Variants in CCSER1 observed in about 807,000 individuals in gnomAD.
CCSER1 encodes the protein serine-rich coiled-coil domain-containing protein 1.
In CCSER1, 41 loss-of-function variants were observed where a neutral mutation model predicts 82.0. The observed-to-expected ratio is 0.50, with a 90% CI of 0.39 to 0.65. The LOEUF (loss-of-function observed/expected upper bound fraction) is 0.65. Ranked by LOEUF, CCSER1 falls within the 30% of genes least tolerant of loss-of-function variation. CCSER1 has a pLI of 0.00. For synonymous variants in CCSER1, 414 were observed against 383.9 expected, an observed-to-expected ratio of 1.08 and a Z score of -0.92; for missense variants, 1,119 against 1,064.2, an observed-to-expected ratio of 1.05 and a Z score of -0.72.
chr4:91,545,707 C>T (rs1332720605), intron 10 of CCSER1, among the ~76,000 whole-genome samples: 1 of 151,954 alleles, frequency 6.6e-6, no homozygotes, highest in African/African-American at 2.4e-5. Context: ...TAGATTTACT[C>T]CGTAGATAAT....
rs564538617 is a variant in CCSER1 at position 90,256,214 on chromosome 4, C to G, written c.-41-52030C>G. Among the ~76,000 whole-genome samples the G allele has an allele frequency of 1.6e-3, 236 of 152,250 alleles. 1 individual carries two copies. Among genetic ancestry groups the G allele is most frequent in the Non-Finnish European group, 3.0e-3 (206 of 68,002 alleles). ...CCAATTCCTATAGTCTCCATTCATG[C>G]TCAAAATCTTCCTGCAGTCTTTGTG... On this transcript the variant is annotated intron_variant, in intron 1 of 10. Coordinates refer to ENST00000509176, the MANE Select transcript of CCSER1 (RefSeq NM_001145065.2).
chr4:90,954,163 T>A (rs1331149701), intron 9 of CCSER1, among the ~76,000 whole-genome samples: 1 of 152,044 alleles, frequency 6.6e-6, no homozygotes, highest in African/African-American at 2.4e-5. Context: ...TCTACAGTAT[T>A]TTATTTGTTA....
At chr4:90,339,046 A>C (rs1740906756) in intron 3 of CCSER1, among the ~76,000 whole-genome samples, 1 of 152,238 alleles carries the variant, frequency 6.6e-6, no homozygotes, top group Non-Finnish European at 1.5e-5. Flanking sequence ...TGTAGTTTTC[A>C]TAAATTGTTT....
intron 9 of CCSER1, among the ~76,000 whole-genome samples, chr4:90,933,315 G>A (rs1327548251): frequency 6.6e-6 from 1 of 151,506 alleles, no homozygotes; most frequent in East Asian, 2.0e-4. Context: ...AGCCTCCTGA[G>A]TAGCTGGGAC....
intron 10 of CCSER1, among the ~76,000 whole-genome samples, chr4:91,425,338 C>T (rs1465966525): frequency 1.3e-5 from 2 of 152,022 alleles, no homozygotes; most frequent in Non-Finnish European, 2.9e-5. Flanking sequence ...TGATTTCATT[C>T]CCATCAGAAT....
rs1187155963 is a variant in CCSER1 at position 91,604,995 on chromosome 4, A to G, written c.*5938A>G. ...CACCCTGTATGATACATTCTTAGAT[A>G]TATGGGTTTGAGATTATTAACATTG... On this transcript the variant is annotated 3_prime_UTR_variant, in exon 11 of 11. Coordinates refer to ENST00000509176, the MANE Select transcript of CCSER1 (RefSeq NM_001145065.2). 2.0e-5 allele frequency: 3 copies of G among 151,948 alleles called. No homozygotes were observed. The highest frequency in any genetic ancestry group is 4.4e-5 in the Non-Finnish European group (3 of 67,928). 9.4% of individuals were successfully genotyped at this position (151,948 alleles called of 1,614,324 possible). A position where few individuals can be genotyped will look rare whatever the true frequency, so the allele number is the denominator to read the frequency against.
chr4:90,191,391 T>G (rs532029486), intron 1 of CCSER1, among the ~76,000 whole-genome samples: 3 of 152,112 alleles, frequency 2.0e-5, no homozygotes, highest in South Asian at 2.1e-4. Flanking sequence ...GCCCCCCAGT[T>G]CCTAGTGCCA....
At chr4:90,753,491 TC>T (rs938656970) in intron 7 of CCSER1, among the ~76,000 whole-genome samples, 2 of 152,112 alleles carry the variant, frequency 1.3e-5, no homozygotes, top group African/African-American at 4.8e-5. Flanking sequence ...TTTTTCATAC[TC>T]TTTCTCACAC....
chr4:91,026,270 C>T (rs1416837379), intron 9 of CCSER1, among the ~76,000 whole-genome samples: 1 of 152,068 alleles, frequency 6.6e-6, no homozygotes, highest in Non-Finnish European at 1.5e-5. Flanking sequence ...TCCTGTTTCT[C>T]TGTAGTTGTC....
intron 4 of CCSER1, among the ~76,000 whole-genome samples, chr4:90,408,692 A>G (rs1457760977): frequency 6.6e-6 from 1 of 152,202 alleles, no homozygotes; most frequent in African/African-American, 2.4e-5. Flanking sequence ...GAAAAATAGA[A>G]CAGAAAAACC....
At chr4:90,220,281 A>T (rs1741882783) in intron 1 of CCSER1, among the ~76,000 whole-genome samples, 1 of 152,102 alleles carries the variant, frequency 6.6e-6, no homozygotes, top group Admixed American at 6.5e-5. Flanking sequence ...CTTGGAAGGT[A>T]TCCTCTGTAG....
intron 10 of CCSER1, among the ~76,000 whole-genome samples, chr4:91,142,203 A>G (rs6856335): frequency 0.72 from 109,570 of 151,914 alleles, 39,848 homozygotes; most frequent in Non-Finnish European, 0.78. Flanking sequence ...GTGGTAGTGA[A>G]TAAGTGTCAC....
chr4:90,434,419 C>G (rs1758734609), intron 4 of CCSER1, among the ~76,000 whole-genome samples: 1 of 152,068 alleles, frequency 6.6e-6, no homozygotes, highest in Admixed American at 6.6e-5. Flanking sequence ...GAAATGTGGC[C>G]ATCATTTTTT....
At chr4:91,231,031 G>A (rs924343578) in intron 10 of CCSER1, among the ~76,000 whole-genome samples, 1 of 151,774 alleles carries the variant, frequency 6.6e-6, no homozygotes, top group Admixed American at 6.6e-5. Context: ...AGGTGTTTTA[G>A]CCTTTTTGGA....
intron 9 of CCSER1, among the ~76,000 whole-genome samples, chr4:91,022,187 T>G (rs1444675268): frequency 7.4e-6 from 1 of 134,726 alleles, no homozygotes; most frequent in Non-Finnish European, 1.6e-5. Context: ...GTGTGTGATG[T>G]TCCCCTTCCT....
intron 9 of CCSER1, among the ~76,000 whole-genome samples, chr4:91,031,251 G>A (rs1740956652): frequency 6.6e-6 from 1 of 152,052 alleles, no homozygotes; most frequent in Admixed American, 6.6e-5. Context: ...ATAGCCTTAA[G>A]CTTACAAATT....
intron 6 of CCSER1, among the ~76,000 whole-genome samples, chr4:90,723,693 C>A (rs937993512): frequency 5.9e-5 from 9 of 151,804 alleles, no homozygotes; most frequent in African/African-American, 2.2e-4. Flanking sequence ...TTAAAATATA[C>A]ATGGAGAGTG....
intron 1 of CCSER1, among the ~76,000 whole-genome samples, chr4:90,143,502 A>ACACACACG (rs1320551741): frequency 6.6e-6 from 1 of 151,074 alleles, no homozygotes; most frequent in Non-Finnish European, 1.5e-5. Flanking sequence ...ACACACACAC[A>ACACACACG]CACACACACA....
chr4:90,754,734 AG>A (rs1217363811), intron 7 of CCSER1, among the ~76,000 whole-genome samples: 1 of 152,222 alleles, frequency 6.6e-6, no homozygotes, highest in Non-Finnish European at 1.5e-5. Context: ...TAGCATTTTT[AG>A]TACTTTGTTT....
Sources: allele counts gnomAD v4.1 joint callset (sites outside exome capture counted in the v4.1 genomes callset), GRCh38; gene constraint gnomAD v4.1.1; transcripts MANE v1.5; gene names NCBI Gene and HGNC (gene_info 2026-07-23, HGNC 2026-07-21).